The following TNRC6B variants were observed in gnomAD, a reference collection of about 807,000 sequenced individuals.
TNRC6B encodes the protein trinucleotide repeat containing adaptor 6B, also known as trinucleotide repeat-containing gene 6B protein.
Under a neutral mutation model 203.6 loss-of-function variants are expected in TNRC6B, and 52 were observed. The observed-to-expected ratio is 0.26, with a 90% confidence interval of 0.20 to 0.32. The LOEUF is 0.32. Among genes scored for constraint, TNRC6B ranks in the 10% least tolerant of loss-of-function variants. TNRC6B has a pLI of 1.00. For missense variants in TNRC6B, 1,923 were observed against 2,286.2 expected, an observed-to-expected ratio of 0.84 and a Z score of 3.24; for synonymous variants, 838 against 845.7, an observed-to-expected ratio of 0.99 and a Z score of 0.16.
chr22:40,310,280 G>T (rs1023114871), intron 16 of TNRC6B, among the ~76,000 whole-genome samples: 6 of 152,160 alleles, frequency 3.9e-5, no homozygotes, highest in African/African-American at 1.4e-4. Context: ...CCATCTCATT[G>T]CGTTGGAATT....
At chr22:40,253,492 T>C (rs1336917134) in intron 3 of TNRC6B, 1 of 448,462 alleles carries the variant, frequency 2.2e-6, no homozygotes, top group East Asian at 7.0e-5. Flanking sequence ...CTTTCCTTTC[T>C]ACTCACCACC....
At chr22:40,225,349 A>C (rs769546551) in intron 1 of TNRC6B, among the ~76,000 whole-genome samples, 1 of 152,226 alleles carries the variant, frequency 6.6e-6, no homozygotes, top group Non-Finnish European at 1.5e-5. Flanking sequence ...CCCTAGATCA[A>C]TGATGTGTAG....
At chr22:40,286,386 A>G (rs2070781872) in intron 12 of TNRC6B, among the ~76,000 whole-genome samples, 1 of 152,188 alleles carries the variant, frequency 6.6e-6, no homozygotes, top group Non-Finnish European at 1.5e-5. Context: ...ACATGCCTGT[A>G]ATCCTAGCTA....
intron 1 of TNRC6B, among the ~76,000 whole-genome samples, chr22:40,098,620 C>T (rs79429372): frequency 2.6e-5 from 4 of 152,026 alleles, no homozygotes; most frequent in African/African-American, 9.7e-5. Context: ...ATTTCTTACT[C>T]CCTTGGGGTG....
intron 3 of TNRC6B, among the ~76,000 whole-genome samples, chr22:40,129,179 C>T (rs1447155789): frequency 6.6e-6 from 1 of 152,116 alleles, no homozygotes; most frequent in Non-Finnish European, 1.5e-5. Flanking sequence ...AACCTGTGGG[C>T]CAAGTGTGAC....
chr22:40,215,217 A>C (rs1002002905), intron 1 of TNRC6B, among the ~76,000 whole-genome samples: 1 of 152,228 alleles, frequency 6.6e-6, no homozygotes, highest in African/African-American at 2.4e-5. Flanking sequence ...GATCCGATAC[A>C]TATGATTAGT....
chr22:40,116,970 A>T (rs1015637633), intron 1 of TNRC6B: 3 of 152,464 alleles, frequency 2.0e-5, no homozygotes, highest in Admixed American at 6.5e-5. Flanking sequence ...GAGGAGCTGG[A>T]TTTCCACAAG....
At chr22:40,154,970 C>G (rs1317737158) in intron 3 of TNRC6B, among the ~76,000 whole-genome samples, 1 of 132,208 alleles carries the variant, frequency 7.6e-6, no homozygotes, top group Non-Finnish European at 1.5e-5. Context: ...TAGAATCATA[C>G]TACATATGCA....
intron 3 of TNRC6B, among the ~76,000 whole-genome samples, chr22:40,154,485 T>A (rs2068792243): frequency 6.7e-6 from 1 of 149,934 alleles, no homozygotes; most frequent in Non-Finnish European, 1.5e-5. Context: ...AATAAATAAA[T>A]AATAAAATAA....
intron 4 of TNRC6B, among the ~76,000 whole-genome samples, chr22:40,166,844 G>A (rs1367997808): frequency 2.0e-5 from 3 of 150,490 alleles, no homozygotes; most frequent in Non-Finnish European, 2.9e-5. Flanking sequence ...GTAGTGAGCC[G>A]AGGTCGTGTC....
At chr22:40,281,549 AACTG>A (rs1353673942) in intron 11 of TNRC6B, among the ~76,000 whole-genome samples, 2 of 151,982 alleles carry the variant, frequency 1.3e-5, no homozygotes, top group South Asian at 2.1e-4. Flanking sequence ...AATAAGTAAT[AACTG>A]ACTAAGGAAA....
intron 1 of TNRC6B, among the ~76,000 whole-genome samples, chr22:40,203,905 T>C (rs926862476): frequency 1.3e-5 from 2 of 152,202 alleles, no homozygotes; most frequent in Non-Finnish European, 2.9e-5. Flanking sequence ...AGTTGTTCTT[T>C]TATTGCCCTT....
chr22:40,215,524 A>G (rs1339570322), intron 1 of TNRC6B, among the ~76,000 whole-genome samples: 1 of 152,190 alleles, frequency 6.6e-6, no homozygotes, highest in Admixed American at 6.5e-5. Flanking sequence ...CCACAGCAGC[A>G]GCAGTTCCTT....
In TNRC6B at chr22:40,298,794, G is replaced by A. The variant is rs188371237; in HGVS notation, c.3709-1661G>A. On this transcript the variant is annotated intron_variant, in intron 12 of 22. Transcript: ENST00000454349. ...ATCCTGGCTAACACGGTGAAACCCC[G>A]TCTCTACTAAAAATACCAAAAATTA... 2.0e-3 allele frequency among the ~76,000 whole-genome samples: 309 copies of A among 152,106 alleles called. 1 individual carries two copies. Among genetic ancestry groups the A allele is most frequent in the African/African-American group, 7.1e-3 (296 of 41,490 alleles).
chr22:40,207,663 C>T (rs2069500449), intron 1 of TNRC6B, among the ~76,000 whole-genome samples: 1 of 151,514 alleles, frequency 6.6e-6, no homozygotes, highest in Non-Finnish European at 1.5e-5. Flanking sequence ...GAAAAAAATG[C>T]TCAAAAGAAA....
intron 4 of TNRC6B, among the ~76,000 whole-genome samples, chr22:40,264,220 T>C (rs2070435380): frequency 6.6e-6 from 1 of 152,188 alleles, no homozygotes. Flanking sequence ...AGTTGGTTGG[T>C]CCCAGGTCAT....
At chr22:40,140,363 G>C (rs1204524745) in intron 3 of TNRC6B, among the ~76,000 whole-genome samples, 1 of 152,220 alleles carries the variant, frequency 6.6e-6, no homozygotes, top group East Asian at 1.9e-4. Context: ...GTAAAGTGCA[G>C]CTTCCACAAA....
At chr22:40,194,825 CT>C (rs1054564673) in intron 1 of TNRC6B, among the ~76,000 whole-genome samples, 1 of 152,170 alleles carries the variant, frequency 6.6e-6, no homozygotes, top group African/African-American at 2.4e-5. Flanking sequence ...GAGGGGGAGA[CT>C]TTTAGGCACT....
chr22:40,088,946 C>G (rs2068124567), intron 1 of TNRC6B, among the ~76,000 whole-genome samples: 1 of 152,050 alleles, frequency 6.6e-6, no homozygotes, highest in Non-Finnish European at 1.5e-5. Context: ...ACTTTACATT[C>G]TTAGTGGGTA....
Sources: allele counts gnomAD v4.1 joint callset (sites outside exome capture counted in the v4.1 genomes callset), GRCh38; gene constraint gnomAD v4.1.1; transcripts MANE v1.5; gene names NCBI Gene and HGNC (gene_info 2026-07-23, HGNC 2026-07-21).